Variants in C1orf21 observed in about 807,000 individuals in gnomAD.
C1orf21 encodes the protein chromosome 1 open reading frame 21, also known as uncharacterized protein C1orf21.
In C1orf21, 3 loss-of-function variants were observed where a neutral mutation model predicts 18.7. That is an observed-to-expected ratio of 0.16 (90% CI 0.07 to 0.42). C1orf21 has a LOEUF of 0.42. C1orf21 is among the 10% of genes least tolerant of loss of function. The pLI is 0.99. For missense variants in C1orf21, 104 were observed against 143.6 expected (o/e 0.72, Z 1.41); for synonymous variants, 41 against 46.4 (o/e 0.88, Z 0.47).
At chr1:184,532,226 C>T (rs931279510) in intron 3 of C1orf21, among the ~76,000 whole-genome samples, 2 of 152,024 alleles carry the variant, frequency 1.3e-5, no homozygotes, top group African/African-American at 4.8e-5. Context: ...TGACCTTGAG[C>T]AATTAAACAA....
At chr1:184,454,722 T>C (rs1446339570) in intron 1 of C1orf21, among the ~76,000 whole-genome samples, 1 of 152,154 alleles carries the variant, frequency 6.6e-6, no homozygotes, top group Non-Finnish European at 1.5e-5. Flanking sequence ...CTTTGCCATC[T>C]ACCATAGTTG....
intron 3 of C1orf21, among the ~76,000 whole-genome samples, chr1:184,526,797 T>C (rs1658383863): frequency 6.6e-6 from 1 of 152,018 alleles, no homozygotes; most frequent in Non-Finnish European, 1.5e-5. Flanking sequence ...CTCAACCCCC[T>C]TCATTCATTC....
chr1:184,455,219 A>G (rs955874352), intron 1 of C1orf21, among the ~76,000 whole-genome samples: 1 of 152,218 alleles, frequency 6.6e-6, no homozygotes, highest in Non-Finnish European at 1.5e-5. Flanking sequence ...TCAAAGCCTG[A>G]GTCTCTTAAA....
At chr1:184,587,182 G>A (rs983313767) in intron 3 of C1orf21, among the ~76,000 whole-genome samples, 7 of 149,938 alleles carry the variant, frequency 4.7e-5, no homozygotes, top group Non-Finnish European at 7.4e-5. Context: ...TTTGGTTGCT[G>A]TAGTCCTGTA....
intron 2 of C1orf21, among the ~76,000 whole-genome samples, chr1:184,491,572 G>A (rs550234678): frequency 6.6e-5 from 10 of 152,176 alleles, no homozygotes; most frequent in East Asian, 1.9e-4. Flanking sequence ...GGCTGTTCTC[G>A]AACTCCTGAG....
chr1:184,475,911 A>T (rs1657564799), intron 1 of C1orf21, among the ~76,000 whole-genome samples: 1 of 152,156 alleles, frequency 6.6e-6, no homozygotes, highest in Admixed American at 6.5e-5. Context: ...GAACTTTACC[A>T]ACCAACTCTA....
At position 184,595,350 on chromosome 1, in the gene C1orf21, C is replaced by T. The variant is rs183025601; in HGVS notation, c.267-3051C>T. The stretch of plus-strand genomic sequence containing the variant: ...CCAGTGAGCTTTTCCTCCTCATCTC[C>T]CCCACTCACAATCATCAAATTGTGC... On this transcript the variant is annotated intron_variant, in intron 4 of 5. Transcript: ENST00000235307. 8.9e-4 allele frequency among the ~76,000 whole-genome samples: 135 copies of T among 152,254 alleles called. No individual in the cohort carries two copies. The Middle Eastern group carries it at 0.014, about 15-fold the overall frequency.
intron 1 of C1orf21, among the ~76,000 whole-genome samples, chr1:184,472,521 A>G (rs896913990): frequency 6.6e-6 from 1 of 152,240 alleles, no homozygotes; most frequent in African/African-American, 2.4e-5. Flanking sequence ...ATTAGTGGAA[A>G]GTGAAATTAC....
intron 1 of C1orf21, among the ~76,000 whole-genome samples, chr1:184,414,300 T>C (rs541505041): frequency 2.0e-5 from 3 of 152,250 alleles, no homozygotes; most frequent in African/African-American, 7.2e-5. Context: ...GGCTAATTTT[T>C]TAATTTTTTG....
intron 1 of C1orf21, among the ~76,000 whole-genome samples, chr1:184,477,091 G>A (rs1412907304): frequency 1.3e-5 from 2 of 152,138 alleles, no homozygotes; most frequent in African/African-American, 2.4e-5. Context: ...ATGGCAAGCA[G>A]TAGTGCCCAA....
chr1:184,432,561 T>C (rs930016119), intron 1 of C1orf21, among the ~76,000 whole-genome samples: 3 of 151,966 alleles, frequency 2.0e-5, no homozygotes, highest in Admixed American at 6.6e-5. Flanking sequence ...GAGAAATACC[T>C]AATGTAGATG....
chr1:184,540,689 C>A (rs905078505), intron 3 of C1orf21, among the ~76,000 whole-genome samples: 6 of 152,136 alleles, frequency 3.9e-5, no homozygotes, highest in African/African-American at 1.4e-4. Context: ...CCTTGGTCTC[C>A]CAAAGTGCTG....
intron 3 of C1orf21, among the ~76,000 whole-genome samples, chr1:184,576,579 T>C (rs1013396402): frequency 6.6e-6 from 1 of 152,248 alleles, no homozygotes; most frequent in Non-Finnish European, 1.5e-5. Flanking sequence ...CCTCCCTCTA[T>C]TGTCCAGGGT....
intron 1 of C1orf21, among the ~76,000 whole-genome samples, chr1:184,445,724 G>A (rs755398318): frequency 2.0e-4 from 31 of 152,100 alleles, no homozygotes; most frequent in Admixed American, 7.9e-4. Context: ...GTGGCCCTTA[G>A]GAGGGCATTA....
chr1:184,507,264 A>C (rs1297124712), intron 2 of C1orf21, among the ~76,000 whole-genome samples: 1 of 152,192 alleles, frequency 6.6e-6, no homozygotes, highest in African/African-American at 2.4e-5. Context: ...GATATGTCCT[A>C]GTGTAACATA....
At chr1:184,550,637 C>T (rs868770227) in intron 3 of C1orf21, among the ~76,000 whole-genome samples, 58 of 152,112 alleles carry the variant, frequency 3.8e-4, no homozygotes, top group South Asian at 2.1e-4. Flanking sequence ...TGGGCTCAAA[C>T]GATCCTCCAA....
At chr1:184,402,022 A>C (rs1656160174) in intron 1 of C1orf21, among the ~76,000 whole-genome samples, 1 of 152,220 alleles carries the variant, frequency 6.6e-6, no homozygotes, top group African/African-American at 2.4e-5. Flanking sequence ...TAAAATTTAC[A>C]GTTGAAAAAA....
intron 1 of C1orf21, among the ~76,000 whole-genome samples, chr1:184,459,260 G>A (rs1477329649): frequency 1.3e-5 from 2 of 152,154 alleles, no homozygotes; most frequent in African/African-American, 4.8e-5. Flanking sequence ...AACAGAATAA[G>A]CTGTATTTTT....
intron 3 of C1orf21, among the ~76,000 whole-genome samples, chr1:184,524,277 T>G (rs1428426800): frequency 6.6e-6 from 1 of 152,200 alleles, no homozygotes; most frequent in Non-Finnish European, 1.5e-5. Flanking sequence ...ACTGGAATCT[T>G]AAGTTTTCCT....
Sources: allele counts gnomAD v4.1 joint callset (sites outside exome capture counted in the v4.1 genomes callset), GRCh38; gene constraint gnomAD v4.1.1; transcripts MANE v1.5; gene names NCBI Gene and HGNC (gene_info 2026-07-23, HGNC 2026-07-21).